The following MAPK6 variants were observed in gnomAD, a reference collection of about 807,000 sequenced individuals.
MAPK6 encodes the protein ERK-3.
Under a neutral mutation model 59.3 loss-of-function variants are expected in MAPK6, and 19 were observed. That is an observed-to-expected ratio of 0.32 (90% confidence interval 0.22 to 0.47). MAPK6 has a LOEUF of 0.47. MAPK6 is among the 20% of genes least tolerant of loss of function. The pLI is 1.00. For missense variants in MAPK6, 724 were observed against 847.9 expected (o/e 0.85, Z 1.81); for synonymous variants, 316 against 290.3 (o/e 1.09, Z -0.90).
intron 3 of MAPK6, among the ~76,000 whole-genome samples, chr15:52,010,096 A>T (rs2030011320): frequency 6.6e-6 from 1 of 151,992 alleles, no homozygotes; most frequent in Admixed American, 6.6e-5. Flanking sequence ...CAGCTTTTCA[A>T]TGAAATCCCA....
chr15:52,023,106 CAAAAAAA>C (rs60315520), intron 1 of MAPK6, among the ~76,000 whole-genome samples: 8 of 73,652 alleles, frequency 1.1e-4, no homozygotes, highest in African/African-American at 3.2e-4. Context: ...GACTCCGTCT[CAAAAAAA>C]AAAAAAAAAA....
intron 3 of MAPK6, among the ~76,000 whole-genome samples, chr15:52,009,774 T>A (rs947248477): frequency 2.0e-5 from 3 of 151,650 alleles, no homozygotes; most frequent in African/African-American, 7.3e-5. Context: ...TTTAAGCAAT[T>A]TTTTTTTTCT....
At chr15:51,980,489 A>C (rs1201165139) in intron 1 of MAPK6, among the ~76,000 whole-genome samples, 1 of 147,666 alleles carries the variant, frequency 6.8e-6, no homozygotes, top group African/African-American at 2.5e-5. Context: ...CAATTTTCCT[A>C]CCAGTTTGGT....
intron 2 of MAPK6, among the ~76,000 whole-genome samples, chr15:52,048,373 C>G (rs1296940390): frequency 2.6e-5 from 4 of 152,232 alleles, no homozygotes; most frequent in Admixed American, 6.5e-5. Context: ...AATCTCAGCA[C>G]TTTGGGAGGC....
intron 1 of MAPK6, among the ~76,000 whole-genome samples, chr15:51,981,414 G>A (rs1006928988): frequency 1.3e-5 from 2 of 151,616 alleles, no homozygotes; most frequent in African/African-American, 2.4e-5. Context: ...GAAGCTTGCA[G>A]TGAGCCGAGA....
chr15:51,987,889 T>TCCCG (rs2057196126), intron 2 of MAPK6, among the ~76,000 whole-genome samples: 1 of 151,462 alleles, frequency 6.6e-6, no homozygotes, highest in Non-Finnish European at 1.5e-5. Flanking sequence ...CCTCAGCTTC[T>TCCCG]GGAATAGCTG....
rs200584462 is a variant in MAPK6, at chr15:52,050,125, A to G, written c.688A>G (p.Thr230Ala). The G allele has an allele frequency of 2.5e-6, 4 of 1,608,106 alleles. No individual in the cohort carries two copies. The Admixed American group carries it at 6.9e-5, about 28-fold the overall frequency. The change falls in exon 3 of 6, where the codon ACC (threonine) becomes GCC (alanine). Residue 230 changes from threonine (T) to alanine (A), a missense_variant. Transcript: ENST00000261845. The part of the protein sequence containing the change: ...CIFAEMLTGK[T>A]LFAGAHELEQ... ...CTTTGCTGAAATGCTGACTGGTAAA[A>G]CCCTTTTTGCAGGTTAGTATTTTGT...
chr15:52,020,233 T>G (rs977880814), intron 1 of MAPK6, among the ~76,000 whole-genome samples: 3 of 152,256 alleles, frequency 2.0e-5, no homozygotes, highest in African/African-American at 7.2e-5. Flanking sequence ...TAAAGGTGTT[T>G]TGGCATCCTT....
rs1410065658 is a variant in MAPK6, at chr15:52,065,719, G to C, written c.*719G>C. 2 of 141,678 alleles carry C rather than the reference G, an allele frequency of 1.4e-5. No individual in the cohort carries two copies. The highest frequency in any genetic ancestry group is 5.3e-5 in the African/African-American group (2 of 37,780). The allele number at this position is 141,678 out of a possible 1,614,324, so 8.8% of individuals were successfully genotyped here. On this transcript the variant is annotated 3_prime_UTR_variant, in exon 6 of 6. Coordinates refer to ENST00000261845, the MANE Select transcript of MAPK6 (RefSeq NM_002748.4). The stretch of plus-strand genomic sequence containing the variant: ...TATTTAATTATAAAAAATTAACTTA[G>C]TTTTTAAAATTTATTTGCAAATATA...
At chr15:52,059,988 T>C (rs937353883) in intron 4 of MAPK6, among the ~76,000 whole-genome samples, 1 of 152,196 alleles carries the variant, frequency 6.6e-6, no homozygotes, top group Admixed American at 6.5e-5. Flanking sequence ...ATTAAGTACA[T>C]CTGAGTGAAC....
At position 51,982,633 on chromosome 15, in the gene MAPK6, A is replaced by G. The variant is rs146211978; in HGVS notation, c.-879-573A>G. 3.1e-3 allele frequency among the ~76,000 whole-genome samples: 469 copies of G among 152,226 alleles called. 3 individuals carry two copies. Among genetic ancestry groups the G allele is most frequent in the African/African-American group, 0.011 (445 of 41,556 alleles). On this transcript the variant is annotated intron_variant, in intron 1 of 7. Transcript: ENST00000691380. ...ACTGCCTTTAGATAGCAATCAAAAC[A>G]CTTCTTATGATAAAATGAGGCAGTG...
intron 1 of MAPK6, among the ~76,000 whole-genome samples, chr15:52,041,238 T>C (rs2031408193): frequency 6.6e-6 from 1 of 152,160 alleles, no homozygotes; most frequent in South Asian, 2.1e-4. Flanking sequence ...CTCTTGTTGC[T>C]CAGGCTAGAG....
intron 1 of MAPK6, among the ~76,000 whole-genome samples, chr15:51,979,126 A>G (rs2057165520): frequency 6.7e-6 from 1 of 148,184 alleles, no homozygotes; most frequent in African/African-American, 2.5e-5. Flanking sequence ...AGAGAGAAAG[A>G]AAGGAAGGAA....
rs141941001 is a variant in MAPK6 at position 51,997,627 on chromosome 15, G to A, written c.-769-6638G>A. On this transcript the variant is annotated intron_variant, in intron 2 of 7. Transcript: ENST00000691380. Reference sequence around the variant, plus strand: ...TTTTTTGAGATGGAGTTTCGCTCTTGTTGCCCAGGCTGGAATGCAATGGCG... The same window carrying A: ...TTTTTTGAGATGGAGTTTCGCTCTTATTGCCCAGGCTGGAATGCAATGGCG... 8.2e-3 allele frequency among the ~76,000 whole-genome samples: 848 copies of A among 103,918 alleles called. 7 individuals are homozygous for A. The highest frequency in any genetic ancestry group is 0.031 in the African/African-American group (816 of 26,580). 68.2% of individuals were successfully genotyped at this position (103,918 alleles called of 152,430 possible).
chr15:52,021,447 AT>A (rs933228334), intron 1 of MAPK6: 1 of 144,134 alleles, frequency 6.9e-6, no homozygotes, highest in Admixed American at 7.1e-5. Flanking sequence ...ATTCTCTCTC[AT>A]TTTTTCTGAA....
chr15:52,046,445 T>C lies in MAPK6; in HGVS notation c.-16T>C, dbSNP rs746326607. 1.3e-5 allele frequency: 21 copies of C among 1,569,356 alleles called. No homozygotes were observed. The highest frequency in any genetic ancestry group is 1.7e-5 in the Non-Finnish European group (20 of 1,156,266). ...AGTTCAATTTGAAAGGAAAAGGCAA[T>C]AGTAAGGGTTTCAAAATGGCAGAGA... On this transcript the variant is annotated 5_prime_UTR_variant, in exon 2 of 6. Transcript: ENST00000261845.
At chr15:52,006,807 G>C (rs2057260309) in intron 3 of MAPK6, among the ~76,000 whole-genome samples, 1 of 152,046 alleles carries the variant, frequency 6.6e-6, no homozygotes, top group African/African-American at 2.4e-5. Flanking sequence ...ACATTTAGTT[G>C]TTTACCTGGG....
intron 2 of MAPK6, among the ~76,000 whole-genome samples, chr15:51,998,451 G>A (rs1047015073): frequency 1.3e-5 from 2 of 149,908 alleles, no homozygotes; most frequent in East Asian, 2.0e-4. Context: ...GTGATCCACC[G>A]GCCTCAGCCT....
chr15:52,050,243 A>G, intron 3 of MAPK6, 106 bp downstream of exon 3: 1 of 1,005,818 alleles, frequency 9.9e-7, no homozygotes, highest in Non-Finnish European at 1.4e-6. Context: ...TATGATCTGT[A>G]ATACTAAAAT....
Sources: allele counts gnomAD v4.1 joint callset (sites outside exome capture counted in the v4.1 genomes callset), GRCh38; gene constraint gnomAD v4.1.1; transcripts MANE v1.5; gene names NCBI Gene and HGNC (gene_info 2026-07-23, HGNC 2026-07-21).